Variants in ARL6IP6 observed in about 807,000 individuals in gnomAD.
The protein encoded by ARL6IP6 is ARF like GTPase 6 interacting protein 6, also known as ADP-ribosylation factor-like protein 6-interacting protein 6.
In ARL6IP6, 22 loss-of-function variants were observed where a neutral mutation model predicts 21.5. That is an observed-to-expected ratio of 1.02 (90% CI 0.73 to 1.46). The LOEUF is 1.46. ARL6IP6 is among the 40% of genes most tolerant of loss of function. The pLI is 0.00. For synonymous variants in ARL6IP6, 164 were observed against 125.3 expected (o/e 1.31, Z -2.06); for missense variants, 388 against 299.8 (o/e 1.29, Z -2.17).
At chr2:152,757,940 T>C (rs939369009) in intron 3 of ARL6IP6, among the ~76,000 whole-genome samples, 2 of 152,234 alleles carry the variant, frequency 1.3e-5, no homozygotes, top group Non-Finnish European at 2.9e-5. Context: ...AACTGAACTT[T>C]AAAGGTTTTT....
upstream of ARL6IP6, chr2:152,718,219 G>T: frequency 2.4e-6 from 1 of 416,240 alleles, no homozygotes. Flanking sequence ...CTCCGAGGGC[G>T]CGAGCGGGCG....
chr2:152,756,303 A>G (rs1398241476), intron 3 of ARL6IP6, among the ~76,000 whole-genome samples: 1 of 152,176 alleles, frequency 6.6e-6, no homozygotes, highest in Non-Finnish European at 1.5e-5. Context: ...TCAGTGTCCT[A>G]TAACACAAAA....
intron 2 of ARL6IP6, among the ~76,000 whole-genome samples, chr2:152,728,161 A>G (rs1391494501): frequency 6.6e-6 from 1 of 152,136 alleles, no homozygotes; most frequent in Non-Finnish European, 1.5e-5. Flanking sequence ...ACATAGGTCT[A>G]CCTCATTTTT....
upstream of ARL6IP6, chr2:152,717,651 G>C: frequency 7.0e-7 from 1 of 1,419,834 alleles, no homozygotes; most frequent in Non-Finnish European, 9.2e-7. Flanking sequence ...GGAGGAGGAG[G>C]ACGGAGGAAG....
At chr2:152,732,452 T>G (rs1463212213) in intron 2 of ARL6IP6, 1 of 393,560 alleles carries the variant, frequency 2.5e-6, no homozygotes, top group Non-Finnish European at 5.1e-6. Flanking sequence ...TTTTAACATT[T>G]GTAGTTTTTA....
chr2:152,732,647 A>G, intron 2 of ARL6IP6: 1 of 411,220 alleles, frequency 2.4e-6, no homozygotes, highest in Non-Finnish European at 4.8e-6. Context: ...ATATATAGTA[A>G]TATGTGTGTT....
In ARL6IP6 at chr2:152,759,969, C is replaced by T. The variant is rs1381725514; in HGVS notation, c.*129C>T. 4.5e-5 allele frequency: 32 copies of T among 705,754 alleles called. No homozygotes were observed. The highest frequency in any genetic ancestry group is 2.9e-5 in the Non-Finnish European group (12 of 410,920). 43.7% of individuals were successfully genotyped at this position (705,754 alleles called of 1,614,324 possible). A position where few individuals can be genotyped will look rare whatever the true frequency, so the allele number is the denominator to read the frequency against. On this transcript the variant is annotated 3_prime_UTR_variant, in exon 4 of 4. Coordinates refer to ENST00000326446, the MANE Select transcript of ARL6IP6 (RefSeq NM_152522.7). ...CATTATGTAGTTCAGATATTTATCA[C>T]AATCATCCTCATTATGGAAGACCTT...
At chr2:152,749,313 A>AC (rs1337714427) in intron 3 of ARL6IP6, among the ~76,000 whole-genome samples, 1,973 of 73,748 alleles carry the variant, frequency 0.027, 31 homozygotes, top group African/African-American at 0.076. Flanking sequence ...ACACACACAA[A>AC]AACACACACA....
At chr2:152,719,666 T>G (rs1468459697) in intron 1 of ARL6IP6, among the ~76,000 whole-genome samples, 1 of 151,754 alleles carries the variant, frequency 6.6e-6, no homozygotes, top group Non-Finnish European at 1.5e-5. Flanking sequence ...ATAATTTAGT[T>G]GGCTAGTGTA....
chr2:152,754,355 T>C lies in ARL6IP6; in HGVS notation c.588-5392T>C, dbSNP rs553564826. On this transcript the variant is annotated intron_variant, in intron 3 of 3. Transcript: ENST00000326446. ...GTCTTTTGTGTTTACTCCTTTCACTTAGCATACTGTTTTCAAGGTTCATCC... is the reference window on the plus strand; with the variant it reads ...GTCTTTTGTGTTTACTCCTTTCACTCAGCATACTGTTTTCAAGGTTCATCC... Among the ~76,000 whole-genome samples, 5 of 152,340 alleles carry C rather than the reference T, an allele frequency of 3.3e-5. No homozygotes were observed. In the South Asian group the frequency reaches 1.0e-3, roughly 32 times the overall value.
At chr2:152,747,991 G>T (rs1190438548) in intron 3 of ARL6IP6, among the ~76,000 whole-genome samples, 1 of 152,080 alleles carries the variant, frequency 6.6e-6, no homozygotes, top group Non-Finnish European at 1.5e-5. Flanking sequence ...ATGAGTCACC[G>T]CATCCAGCCC....
At chr2:152,719,866 T>C (rs1402997896) in intron 1 of ARL6IP6, 1 of 467,074 alleles carries the variant, frequency 2.1e-6, no homozygotes, top group Middle Eastern at 3.3e-4. Flanking sequence ...TCTATTTAAC[T>C]CCAGTTTTTA....
chr2:152,757,333 G>C (rs1027467669), intron 3 of ARL6IP6, among the ~76,000 whole-genome samples: 2 of 152,084 alleles, frequency 1.3e-5, no homozygotes, highest in African/African-American at 4.8e-5. Flanking sequence ...CAGTAAAAAT[G>C]CATTGAACTG....
upstream of ARL6IP6, chr2:152,718,241 C>T: frequency 3.1e-6 from 1 of 323,272 alleles, no homozygotes; most frequent in Non-Finnish European, 4.6e-6. Flanking sequence ...TAGGACCCGG[C>T]GTCGAAAAGA....
intron 3 of ARL6IP6, among the ~76,000 whole-genome samples, chr2:152,744,907 A>G (rs1392960991): frequency 6.6e-6 from 1 of 152,056 alleles, no homozygotes; most frequent in East Asian, 1.9e-4. Flanking sequence ...GGAACAAGTT[A>G]ATTTTAGTTT....
At chr2:152,733,259 GTTGT>G (rs148634776) in intron 2 of ARL6IP6, among the ~76,000 whole-genome samples, 6,296 of 151,920 alleles carry the variant, frequency 0.041, 266 homozygotes, top group African/African-American at 0.11. Flanking sequence ...GCTTCGTTCT[GTTGT>G]TTGTTTGTTT....
chr2:152,726,111 C>T (rs34619076), intron 2 of ARL6IP6, among the ~76,000 whole-genome samples: 21,913 of 151,588 alleles, frequency 0.14, 1,731 homozygotes, highest in Middle Eastern at 0.24. Flanking sequence ...TCAACTTTTT[C>T]CTGTGTTTGA....
rs10604718 is a variant in ARL6IP6, at chr2:152,729,334, C to CTGTGTGTGTGTGTG, written c.455-5646_455-5633dup. ...CCTGGGTGGCAGAGCCAGACTTTGT[C>CTGTGTGTGTGTGTG]TGTGTGTGTGTGTGTGTGTGTGTGT... On this transcript the variant is annotated intron_variant, in intron 2 of 3. Transcript: ENST00000326446. 3.5e-3 allele frequency among the ~76,000 whole-genome samples: 535 copies of CTGTGTGTGTGTGTG among 151,052 alleles called. 4 individuals are homozygous for CTGTGTGTGTGTGTG. The highest frequency in any genetic ancestry group is 0.012 in the African/African-American group (515 of 41,224).
intron 2 of ARL6IP6, among the ~76,000 whole-genome samples, chr2:152,720,848 T>G (rs943297428): frequency 1.3e-5 from 2 of 152,174 alleles, no homozygotes; most frequent in South Asian, 2.1e-4. Flanking sequence ...CCCAACACTT[T>G]GGGAAGCTGA....
Sources: allele counts gnomAD v4.1 joint callset (sites outside exome capture counted in the v4.1 genomes callset), GRCh38; gene constraint gnomAD v4.1.1; transcripts MANE v1.5; gene names NCBI Gene and HGNC (gene_info 2026-07-23, HGNC 2026-07-21).